SLC35F1: variants seen among roughly 807,000 people sequenced by gnomAD.
SLC35F1 encodes the protein solute carrier family 35 member F1, also known as chromosome 6 open reading frame 169.
A neutral mutation model predicts 48.7 loss-of-function variants in SLC35F1; 14 were observed. The ratio of observed to expected loss-of-function variants is 0.29; its 90% confidence interval spans 0.19 to 0.45. The LOEUF (loss-of-function observed/expected upper bound fraction) is 0.45, where lower values mean the gene tolerates loss of function less well. SLC35F1 is among the 20% of genes least tolerant of loss of function. SLC35F1 has a pLI of 1.00. For synonymous variants in SLC35F1, 190 were observed against 202.2 expected (o/e 0.94, Z 0.51); for missense variants, 404 against 500.0 (o/e 0.81, Z 1.83).
chr6:117,979,172 C>T (rs1226820699), intron 1 of SLC35F1, among the ~76,000 whole-genome samples: 1 of 152,230 alleles, frequency 6.6e-6, no homozygotes, highest in Non-Finnish European at 1.5e-5. Flanking sequence ...AGCAGCTCCC[C>T]ACCACATCCC....
rs138377914 is a variant in SLC35F1 at position 118,013,480 on chromosome 6, A to T, written c.173+105581A>T. Among the ~76,000 whole-genome samples, 34 of 152,294 alleles carry T rather than the reference A, an allele frequency of 2.2e-4. No individual in the cohort carries two copies. In the East Asian group the frequency reaches 6.2e-3, roughly 28 times the overall value. ...TATTTTCAATTTAGCCAAACCAATA[A>T]GGGCTTTTAAAAAGTAAATTTATAT... On this transcript the variant is annotated intron_variant, in intron 1 of 7. Transcript: ENST00000360388.
At chr6:117,967,685 A>G (rs910046119) in intron 1 of SLC35F1, among the ~76,000 whole-genome samples, 3 of 152,212 alleles carry the variant, frequency 2.0e-5, no homozygotes, top group Non-Finnish European at 4.4e-5. Flanking sequence ...ATTGAGAGCA[A>G]AAAGATCAAA....
intron 2 of SLC35F1, among the ~76,000 whole-genome samples, chr6:118,175,782 G>A (rs189177983): frequency 9.9e-5 from 15 of 152,232 alleles, no homozygotes; most frequent in Admixed American, 4.6e-4. Context: ...CATACCTGAA[G>A]GTCAGAAGAG....
At chr6:118,057,018 A>G (rs889593348) in intron 1 of SLC35F1, among the ~76,000 whole-genome samples, 40 of 152,252 alleles carry the variant, frequency 2.6e-4, no homozygotes, top group African/African-American at 9.6e-4. Context: ...TAAAGGTGAA[A>G]AGTGTTCTGG....
intron 1 of SLC35F1, among the ~76,000 whole-genome samples, chr6:117,947,277 T>C (rs946228148): frequency 2.0e-5 from 3 of 152,070 alleles, no homozygotes; most frequent in African/African-American, 7.2e-5. Context: ...GTGTCTTGGA[T>C]GTCCAGAAAA....
At chr6:118,159,916 T>C (rs987538573) in intron 2 of SLC35F1, among the ~76,000 whole-genome samples, 8 of 152,234 alleles carry the variant, frequency 5.3e-5, no homozygotes, top group African/African-American at 1.9e-4. Context: ...ATATAAATCA[T>C]AAAAACTTTA....
Position 117,993,609 on chromosome 6 carries a change from C to G in SLC35F1, c.173+85710C>G, listed in dbSNP as rs377439782. Among the ~76,000 whole-genome samples, 184 of 151,930 alleles carry G rather than the reference C, an allele frequency of 1.2e-3. 3 individuals are homozygous for G. In the South Asian group the frequency reaches 0.025, roughly 21 times the overall value. ...ATCCTTTGAGAACTTTTCTGTATTC[C>G]CCGAGAACAACTCAGCTTTCACCTG... On this transcript the variant is annotated intron_variant, in intron 1 of 7. Coordinates refer to ENST00000360388, the MANE Select transcript of SLC35F1 (RefSeq NM_001029858.4).
At chr6:118,232,371 A>G (rs778823712) in intron 2 of SLC35F1, among the ~76,000 whole-genome samples, 1 of 151,946 alleles carries the variant, frequency 6.6e-6, no homozygotes, top group African/African-American at 2.4e-5. Context: ...CCACATGTAG[A>G]AACCCCGTCT....
intron 1 of SLC35F1, among the ~76,000 whole-genome samples, chr6:117,910,765 G>T (rs373709940): frequency 1.3e-5 from 2 of 152,172 alleles, no homozygotes; most frequent in African/African-American, 2.4e-5. Context: ...AGAAATATTA[G>T]ACTGTGAGCA....
chr6:118,168,843 T>C (rs1483401326), intron 2 of SLC35F1, among the ~76,000 whole-genome samples: 2 of 152,200 alleles, frequency 1.3e-5, no homozygotes, highest in Non-Finnish European at 2.9e-5. Flanking sequence ...ACTATAATCT[T>C]ATGTTATAAA....
intron 1 of SLC35F1, among the ~76,000 whole-genome samples, chr6:118,147,794 C>T (rs891937678): frequency 2.0e-5 from 3 of 152,110 alleles, no homozygotes; most frequent in Non-Finnish European, 2.9e-5. Context: ...CACTTCCTTG[C>T]GTCTTACTTG....
At chr6:118,266,293 A>T (rs1436797827) in intron 3 of SLC35F1, among the ~76,000 whole-genome samples, 1 of 152,180 alleles carries the variant, frequency 6.6e-6, no homozygotes, top group Non-Finnish European at 1.5e-5. Context: ...GTCAGATGGA[A>T]TCTCACTATT....
chr6:117,911,059 C>T (rs1042122504), intron 1 of SLC35F1, among the ~76,000 whole-genome samples: 16 of 152,106 alleles, frequency 1.1e-4, no homozygotes, highest in South Asian at 4.1e-4. Context: ...AAAGGCTTGT[C>T]GAGTTGGATT....
At chr6:118,040,390 T>A (rs572780569) in intron 1 of SLC35F1, among the ~76,000 whole-genome samples, 1 of 152,154 alleles carries the variant, frequency 6.6e-6, no homozygotes, top group Non-Finnish European at 1.5e-5. Flanking sequence ...TTCTAGAATT[T>A]GTAGGCATAA....
intron 1 of SLC35F1, among the ~76,000 whole-genome samples, chr6:117,950,191 C>G (rs1450100608): frequency 6.6e-6 from 1 of 152,284 alleles, no homozygotes; most frequent in Middle Eastern, 3.4e-3. Flanking sequence ...CACATTCTTT[C>G]CTAGCAACGA....
At chr6:117,975,980 G>A (rs1776700630) in intron 1 of SLC35F1, among the ~76,000 whole-genome samples, 1 of 152,224 alleles carries the variant, frequency 6.6e-6, no homozygotes, top group African/African-American at 2.4e-5. Flanking sequence ...AGTGGCAGTA[G>A]TACAGAACAT....
chr6:117,912,069 G>T (rs967575322), intron 1 of SLC35F1, among the ~76,000 whole-genome samples: 1 of 152,120 alleles, frequency 6.6e-6, no homozygotes, highest in African/African-American at 2.4e-5. Flanking sequence ...TGAATTTCTT[G>T]TTTTGATACA....
At chr6:118,037,598 A>G (rs1212239990) in intron 1 of SLC35F1, among the ~76,000 whole-genome samples, 1 of 152,176 alleles carries the variant, frequency 6.6e-6, no homozygotes, top group Non-Finnish European at 1.5e-5. Context: ...TATTTACAAT[A>G]GCAAAGACTT....
intron 1 of SLC35F1, among the ~76,000 whole-genome samples, chr6:118,056,980 G>A (rs1215330267): frequency 1.3e-5 from 2 of 151,752 alleles, no homozygotes; most frequent in Admixed American, 1.3e-4. Flanking sequence ...TGCTTAAAAA[G>A]AACAAGCAAA....
Sources: gnomAD v4.1 joint callset for allele counts (sites outside exome capture counted in the v4.1 genomes callset) on GRCh38, gnomAD v4.1.1 for gene constraint, MANE v1.5 for transcripts, NCBI Gene and HGNC (gene_info 2026-07-23, HGNC 2026-07-21) for gene names.